The following ANKRD28 variants were observed in gnomAD, a reference collection of about 807,000 sequenced individuals.
ANKRD28 encodes the protein ankyrin repeat domain 28, also known as serine/threonine-protein phosphatase 6 regulatory ankyrin repeat subunit A.
In ANKRD28, 44 loss-of-function variants were observed where a neutral mutation model predicts 126.5. That is an observed-to-expected ratio of 0.35 (90% confidence interval 0.27 to 0.45). The LOEUF is 0.45. ANKRD28 is among the 20% of genes least tolerant of loss of function. The pLI, the probability that ANKRD28 is intolerant of heterozygous loss-of-function variation, is 1.00. For synonymous variants in ANKRD28, 442 were observed against 468.5 expected (o/e 0.94, Z 0.73); for missense variants, 1,110 against 1,316.6 (o/e 0.84, Z 2.43).
At chr3:15,748,702 G>C (rs2057649158) in intron 4 of ANKRD28, among the ~76,000 whole-genome samples, 1 of 152,116 alleles carries the variant, frequency 6.6e-6, no homozygotes, top group South Asian at 2.1e-4. Context: ...AATTTGCCAG[G>C]TGTTCTTTGA....
chr3:15,797,530 AT>A lies in ANKRD28; in HGVS notation c.-1010del, dbSNP rs1427406267. ...GGAATTAGAAGGCATTTGAGCTCAA[AT>A]TACTGCTTCAGGCTTTTTGTTTTCT... On this transcript the variant is annotated 5_prime_UTR_variant, in exon 1 of 28. An upstream open reading frame in the 5' UTR loses its in-frame stop. Transcript: ENST00000683139. 1.0e-6 allele frequency: 1 copy of A among 984,464 alleles called. No individual in the cohort carries two copies. The highest frequency in any genetic ancestry group is 1.8e-5 in the African/African-American group (1 of 56,938). 61.0% of individuals were successfully genotyped at this position (984,464 alleles called of 1,614,324 possible).
At chr3:15,705,463 C>T (rs928779117) in intron 14 of ANKRD28, among the ~76,000 whole-genome samples, 1 of 152,038 alleles carries the variant, frequency 6.6e-6, no homozygotes, top group African/African-American at 2.4e-5. Flanking sequence ...TACCCAATAA[C>T]CAGTCTGTGA....
At position 15,673,338 on chromosome 3, in the gene ANKRD28, A is replaced by G. The variant is rs188482187; in HGVS notation, c.2965+2560T>C. Among the ~76,000 whole-genome samples the G allele has an allele frequency of 2.5e-3, 378 of 152,330 alleles. 2 individuals are homozygous for G. The highest frequency in any genetic ancestry group is 8.3e-3 in the African/African-American group (344 of 41,572). On this transcript the variant is annotated intron_variant, in intron 27 of 27. Transcript: ENST00000683139. ...TAGACTATGTCTTATTTTACACTATATCATCAGAAGTTAGTACAGTGCTTG... is the reference window on the plus strand; with the variant it reads ...TAGACTATGTCTTATTTTACACTATGTCATCAGAAGTTAGTACAGTGCTTG...
intron 1 of ANKRD28, among the ~76,000 whole-genome samples, chr3:15,822,490 T>C (rs1256077519): frequency 1.3e-5 from 2 of 152,164 alleles, no homozygotes; most frequent in African/African-American, 2.4e-5. Flanking sequence ...GGGGGAAACA[T>C]TGGCTCTCCA....
At chr3:15,849,750 G>T (rs2061598965) in intron 1 of ANKRD28, among the ~76,000 whole-genome samples, 1 of 152,080 alleles carries the variant, frequency 6.6e-6, no homozygotes, top group Non-Finnish European at 1.5e-5. Context: ...GATTTTCTTT[G>T]TTCTATCATT....
At chr3:15,784,405 T>C (rs990216406) in intron 2 of ANKRD28, among the ~76,000 whole-genome samples, 1 of 152,032 alleles carries the variant, frequency 6.6e-6, no homozygotes, top group African/African-American at 2.4e-5. Flanking sequence ...CTTTTGTTGT[T>C]AGATCCTCAT....
At chr3:15,750,137 T>C (rs77742898) in intron 4 of ANKRD28, among the ~76,000 whole-genome samples, 39 of 152,360 alleles carry the variant, frequency 2.6e-4, no homozygotes, top group Non-Finnish European at 4.0e-4. Context: ...ATTTTTGGTC[T>C]GTTTTACAAC....
At position 15,838,748 on chromosome 3, in the gene ANKRD28, CA is replaced by C. The variant is rs200759198; in HGVS notation, c.27+20628del. ...GGGCAACAAGAACGAAACTCCGTCTCAAAAAAAAAAAAAAATCTTCGCAAGA... is the reference window on the plus strand; with the variant it reads ...GGGCAACAAGAACGAAACTCCGTCTCAAAAAAAAAAAAAATCTTCGCAAGA... On this transcript the variant is annotated intron_variant, in intron 1 of 27. Transcript: ENST00000399451. This position sits in a 1 kb window ranked among gnomAD's most constrained non-coding sequence, Gnocchi z 4.0. 0.51 allele frequency among the ~76,000 whole-genome samples: 69,529 copies of C among 136,010 alleles called. 18,280 individuals are homozygous for C. The highest frequency in any genetic ancestry group is 0.61 in the Non-Finnish European group (39,168 of 63,992). The allele number at this position is 136,010 out of a possible 152,430, so 89.2% of individuals were successfully genotyped here.
At chr3:15,831,725 A>C (rs2061195057) in intron 1 of ANKRD28, among the ~76,000 whole-genome samples, 1 of 152,200 alleles carries the variant, frequency 6.6e-6, no homozygotes, top group Admixed American at 6.5e-5. Flanking sequence ...TGATGATGGA[A>C]AGCAATTGCA....
At position 15,845,004 on chromosome 3, in the gene ANKRD28, C is replaced by T. The variant is rs1023228698; in HGVS notation, c.27+14373G>A. On this transcript the variant is annotated intron_variant, in intron 1 of 27. Transcript: ENST00000399451. This position sits in a 1 kb window ranked among gnomAD's most constrained non-coding sequence, Gnocchi z 4.9. The stretch of plus-strand genomic sequence containing the variant: ...GCAAAGGAGAAGCAGGCATATCTTA[C>T]ATGGCTGGAGCAGGAGCAAAATGGG... Among the ~76,000 whole-genome samples, 27 of 152,106 alleles carry T rather than the reference C, an allele frequency of 1.8e-4. No individual in the cohort carries two copies. Among genetic ancestry groups the T allele is most frequent in the African/African-American group, 6.5e-4 (27 of 41,428 alleles).
At chr3:15,749,241 G>A (rs1291549955) in intron 4 of ANKRD28, among the ~76,000 whole-genome samples, 1 of 150,610 alleles carries the variant, frequency 6.6e-6, no homozygotes. Flanking sequence ...CTCCCGAGTA[G>A]CTGGGACTAC....
At chr3:15,711,457 G>T (rs1247451268) in intron 11 of ANKRD28, among the ~76,000 whole-genome samples, 183 bp from the exon 12 acceptor site, 3 of 152,082 alleles carry the variant, frequency 2.0e-5, no homozygotes, top group Non-Finnish European at 2.9e-5. Context: ...GCAATAAAAA[G>T]AAATAAAGTA....
intron 1 of ANKRD28, among the ~76,000 whole-genome samples, chr3:15,850,673 G>A (rs1047198607): frequency 6.6e-6 from 1 of 152,150 alleles, no homozygotes; most frequent in Non-Finnish European, 1.5e-5. Context: ...TCCCCAGAGA[G>A]GGCATGGAAG....
At chr3:15,807,366 T>C (rs1315403816) in intron 1 of ANKRD28, among the ~76,000 whole-genome samples, 5 of 152,296 alleles carry the variant, frequency 3.3e-5, no homozygotes, top group African/African-American at 7.2e-5. Flanking sequence ...CGATGTGGGA[T>C]AGACGTGGAC....
chr3:15,679,260 G>T (rs1172526943), intron 23 of ANKRD28, 41 bp downstream of exon 23: 2 of 1,568,978 alleles, frequency 1.3e-6, no homozygotes, highest in Non-Finnish European at 1.8e-6. Context: ...ATGAGCCACT[G>T]TGCCTGGCTA....
At chr3:15,716,519 T>C (rs559224964) in intron 8 of ANKRD28, among the ~76,000 whole-genome samples, 4 of 152,058 alleles carry the variant, frequency 2.6e-5, no homozygotes, top group East Asian at 1.9e-4. Context: ...CTTGGGCTCA[T>C]GTGATTCTCC....
At chr3:15,694,951 A>G (rs1448262986) in intron 16 of ANKRD28, 138 bp from the exon 17 acceptor site, 1 of 847,636 alleles carries the variant, frequency 1.2e-6, no homozygotes, top group Non-Finnish European at 1.9e-6. Flanking sequence ...TTATGAAAGT[A>G]TACTAAGGAC....
intron 7 of ANKRD28, among the ~76,000 whole-genome samples, chr3:15,721,719 G>A (rs1007721840): frequency 1.3e-5 from 2 of 152,098 alleles, no homozygotes; most frequent in Non-Finnish European, 2.9e-5. Flanking sequence ...GCTCAAAAAT[G>A]AGAAACAATT....
rs375125027 is a variant in ANKRD28, at chr3:15,795,198, G to A, written c.201+25C>T. On this transcript the variant is annotated intron_variant, in intron 2 of 27. Coordinates refer to ENST00000683139, the MANE Select transcript of ANKRD28 (RefSeq NM_001349278.2). ...ATTTTAAAAAGCAGTTTTAAAGGCT[G>A]GCATCAGTGAATTAACTGTTTTACC... is the stretch of plus-strand genomic sequence containing the variant. The A allele has an allele frequency of 2.1e-4, 310 of 1,469,018 alleles. 1 individual carries two copies. In the African/African-American group the frequency reaches 3.3e-3, roughly 16 times the overall value. The allele number at this position is 1,469,018 out of a possible 1,614,324, so 91.0% of individuals were successfully genotyped here.
Sources: allele counts gnomAD v4.1 joint callset (sites outside exome capture counted in the v4.1 genomes callset), GRCh38; gene constraint gnomAD v4.1.1; non-coding constraint Gnocchi (gnomAD v3.1); transcripts MANE v1.5; gene names NCBI Gene and HGNC (gene_info 2026-07-23, HGNC 2026-07-21).